MYO3A: variants seen among roughly 807,000 people sequenced by gnomAD.
MYO3A encodes the protein myosin IIIA.
MYO3A carries 180 observed loss-of-function variants against 192.7 expected under a neutral mutation model. The observed-to-expected ratio is 0.93, with a 90% CI of 0.83 to 1.06. The LOEUF is 1.06. Ranked by LOEUF, MYO3A falls within the 50% of genes least tolerant of loss-of-function variation. The probability of loss-of-function intolerance (pLI) is 0.00; values close to 1 mark genes in which losing one functional copy is unlikely to be tolerated. For missense variants in MYO3A, 1,896 were observed against 1,905.0 expected, an observed-to-expected ratio of 1.00 and a Z score of 0.09; for synonymous variants, 628 against 645.3, an observed-to-expected ratio of 0.97 and a Z score of 0.41.
chr10:26,151,773 G>A (rs535882392), intron 23 of MYO3A, among the ~76,000 whole-genome samples: 93 of 152,260 alleles, frequency 6.1e-4, no homozygotes, highest in African/African-American at 1.9e-3. Context: ...TCCCTCACTC[G>A]CTGCATTTCA....
intron 4 of MYO3A, among the ~76,000 whole-genome samples, chr10:25,990,471 C>T (rs199508783): frequency 2.4e-5 from 3 of 124,598 alleles, no homozygotes; most frequent in African/African-American, 1.2e-4. Context: ...AATCATAATT[C>T]TTTTTTTTAA....
At chr10:25,988,391 T>C (rs1366679252) in intron 4 of MYO3A, among the ~76,000 whole-genome samples, 3 of 151,692 alleles carry the variant, frequency 2.0e-5, no homozygotes, top group Non-Finnish European at 4.4e-5. Context: ...AAAAATAAAA[T>C]AAAAAAATAG....
At chr10:26,198,572 T>C (rs1293870224) in intron 32 of MYO3A, among the ~76,000 whole-genome samples, 1 of 152,230 alleles carries the variant, frequency 6.6e-6, no homozygotes, top group Non-Finnish European at 1.5e-5. Flanking sequence ...TCCGTCTAAA[T>C]AAAGAAATTG....
At chr10:26,011,122 T>G (rs929976636) in intron 6 of MYO3A, among the ~76,000 whole-genome samples, 2 of 152,084 alleles carry the variant, frequency 1.3e-5, no homozygotes, top group Non-Finnish European at 2.9e-5. Flanking sequence ...ACAGGTCTAT[T>G]TACATATTAA....
At chr10:26,130,639 T>G (rs1056004173) in intron 20 of MYO3A, among the ~76,000 whole-genome samples, 6 of 152,220 alleles carry the variant, frequency 3.9e-5, no homozygotes, top group African/African-American at 1.4e-4. Context: ...TCCAGTCCTT[T>G]CAGGTGCCTT....
chr10:26,067,178 G>A lies in MYO3A; in HGVS notation c.1053+104G>A. 1.3e-5 allele frequency: 10 copies of A among 770,060 alleles called. No homozygotes were observed. In the South Asian group the frequency reaches 1.5e-4, roughly 11 times the overall value. 47.7% of individuals were successfully genotyped at this position (770,060 alleles called of 1,614,324 possible). ...GGGAAGGAATATATAGATTATGATG[G>A]TTATTAAGAATCTTAACACTCACTC... On this transcript the variant is annotated intron_variant, in intron 11 of 34. Coordinates refer to ENST00000642920, the MANE Select transcript of MYO3A (RefSeq NM_017433.5).
At chr10:26,092,256 A>G (rs1836746388) in intron 15 of MYO3A, among the ~76,000 whole-genome samples, 2 of 152,164 alleles carry the variant, frequency 1.3e-5, no homozygotes, top group East Asian at 3.9e-4. Flanking sequence ...TCATGAGGTC[A>G]GGAGATTGAG....
At chr10:25,981,315 C>T (rs1457027136) in intron 4 of MYO3A, among the ~76,000 whole-genome samples, 2 of 151,904 alleles carry the variant, frequency 1.3e-5, no homozygotes. Context: ...CAAAACGGAT[C>T]ACAGACCTAC....
At position 26,029,211 on chromosome 10, in the gene MYO3A, C is replaced by A. The variant is rs566403705; in HGVS notation, c.953+2679C>A. Among the ~76,000 whole-genome samples, 10 of 152,256 alleles carry A rather than the reference C, an allele frequency of 6.6e-5. No homozygotes were observed. In the South Asian group the frequency reaches 1.9e-3, roughly 28 times the overall value. Reference sequence around the variant, plus strand: ...TGATTATTGGGCACAGTGTTATGCTCAACACTTTCTGATTCTGAGACACAA... The same window carrying A: ...TGATTATTGGGCACAGTGTTATGCTAAACACTTTCTGATTCTGAGACACAA... On this transcript the variant is annotated intron_variant, in intron 10 of 34. Coordinates refer to ENST00000642920, the MANE Select transcript of MYO3A (RefSeq NM_017433.5).
intron 6 of MYO3A, among the ~76,000 whole-genome samples, chr10:26,002,111 T>C (rs938727696): frequency 2.0e-5 from 3 of 152,202 alleles, no homozygotes; most frequent in Admixed American, 6.5e-5. Flanking sequence ...CCAGTGGGCA[T>C]GAGCTTGGGG....
At chr10:26,069,096 AGT>A (rs1334417593) in intron 12 of MYO3A, among the ~76,000 whole-genome samples, 1 of 152,104 alleles carries the variant, frequency 6.6e-6, no homozygotes, top group African/African-American at 2.4e-5. Context: ...CGTGTGCCAG[AGT>A]GTTAATTACA....
Position 26,125,371 on chromosome 10 carries a change from C to T in MYO3A, c.1904-27C>T, listed in dbSNP as rs764415541. On this transcript the variant is annotated intron_variant, in intron 18 of 34. Transcript: ENST00000642920. ...AGTGACCTCATTGCCATAATTTCTT[C>T]TAACAATGCATCTGTTTGTTTTTCA... The T allele has an allele frequency of 3.1e-6, 5 of 1,608,956 alleles. No homozygotes were observed. In the African/African-American group the frequency reaches 6.7e-5, roughly 21 times the overall value.
At chr10:26,076,718 G>A (rs1418113499) in intron 14 of MYO3A, among the ~76,000 whole-genome samples, 2 of 152,106 alleles carry the variant, frequency 1.3e-5, no homozygotes, top group Non-Finnish European at 2.9e-5. Context: ...CATGTGGCTA[G>A]CCAATTATCC....
At chr10:26,064,932 T>G (rs940994005) in intron 10 of MYO3A, among the ~76,000 whole-genome samples, 1 of 152,244 alleles carries the variant, frequency 6.6e-6, no homozygotes, top group East Asian at 1.9e-4. Context: ...GATGCAGAAG[T>G]CTGGAGTAGT....
At chr10:25,961,485 G>C (rs1460749138) in intron 4 of MYO3A, among the ~76,000 whole-genome samples, 1 of 152,070 alleles carries the variant, frequency 6.6e-6, no homozygotes, top group Admixed American at 6.6e-5. Flanking sequence ...AATCAGTAGA[G>C]TCGCTACAAT....
chr10:25,995,470 G>T (rs781250400), intron 4 of MYO3A, among the ~76,000 whole-genome samples: 2 of 152,184 alleles, frequency 1.3e-5, no homozygotes, highest in Non-Finnish European at 2.9e-5. Context: ...TTAGCTTGGA[G>T]AAGTTTGATC....
intron 10 of MYO3A, among the ~76,000 whole-genome samples, chr10:26,032,142 C>T (rs1842827700): frequency 6.6e-6 from 1 of 152,090 alleles, no homozygotes; most frequent in Non-Finnish European, 1.5e-5. Context: ...TCAGTAACTC[C>T]TTTTTCTTAC....
intron 10 of MYO3A, among the ~76,000 whole-genome samples, chr10:26,061,144 T>C (rs936171581): frequency 6.6e-6 from 1 of 152,034 alleles, no homozygotes; most frequent in African/African-American, 2.4e-5. Flanking sequence ...TTAGCCAGGA[T>C]GGTCTCGATC....
chr10:25,978,518 A>G (rs904287301), intron 4 of MYO3A, among the ~76,000 whole-genome samples: 3 of 152,148 alleles, frequency 2.0e-5, no homozygotes, highest in South Asian at 2.1e-4. Flanking sequence ...TCATGATTCA[A>G]TTACCTCCCA....
Sources: gnomAD v4.1 joint callset for allele counts (sites outside exome capture counted in the v4.1 genomes callset) on GRCh38, gnomAD v4.1.1 for gene constraint, MANE v1.5 for transcripts, NCBI Gene and HGNC (gene_info 2026-07-23, HGNC 2026-07-21) for gene names.